The following PADI6 variants were observed in gnomAD, a reference collection of about 807,000 sequenced individuals.
PADI6 encodes the protein peptidyl arginine deiminase 6, also known as inactive protein-arginine deiminase type-6.
Under a neutral mutation model 78.2 loss-of-function variants are expected in PADI6, and 66 were observed. The observed-to-expected ratio is 0.84, with a 90% confidence interval of 0.69 to 1.04. The LOEUF is 1.04. Ranked by LOEUF, PADI6 falls within the 50% of genes least tolerant of loss-of-function variation. The pLI is 0.00. For missense variants in PADI6, 854 were observed against 866.1 expected (o/e 0.99, Z 0.18); for synonymous variants, 397 against 346.9 (o/e 1.14, Z -1.60).
chr1:17,398,933 T>A, intron 15 of PADI6, 86 bp downstream of exon 15: 1 of 1,410,848 alleles, frequency 7.1e-7, no homozygotes, highest in African/African-American at 1.4e-5. Context: ...ACTGCAGATA[T>A]GGTGGACAGC....
Position 17,372,442 on chromosome 1 carries a change from T to C in PADI6, c.116+81T>C, listed in dbSNP as rs1377823964. ...GACCCAGTCCCCTTGATCTGGGAGT[T>C]GGGGGTTACTTCTCTAGCCTCACTA... is the stretch of plus-strand genomic sequence containing the variant. On this transcript the variant is annotated intron_variant, in intron 1 of 15. Transcript: ENST00000619609. 6.9e-6 allele frequency: 9 copies of C among 1,305,884 alleles called. No individual in the cohort carries two copies. In the African/African-American group the frequency reaches 1.3e-4, roughly 19 times the overall value. 80.9% of individuals were successfully genotyped at this position (1,305,884 alleles called of 1,614,324 possible). A position where few individuals can be genotyped will look rare whatever the true frequency, so the allele number is the denominator to read the frequency against.
chr1:17,393,677 G>A (rs1450932859), intron 9 of PADI6, among the ~76,000 whole-genome samples: 1 of 152,088 alleles, frequency 6.6e-6, no homozygotes, highest in African/African-American at 2.4e-5. Context: ...GTCTCACCAT[G>A]TTTCCCAGGC....
At chr1:17,396,597 C>T (rs2075249710) in intron 13 of PADI6, among the ~76,000 whole-genome samples, 1 of 152,108 alleles carries the variant, frequency 6.6e-6, no homozygotes, top group Admixed American at 6.6e-5. Context: ...TGGAAGGTGA[C>T]ATCTGCTGAG....
At chr1:17,393,881 CAGGA>C in intron 9 of PADI6, 90 bp from the exon 10 acceptor site, 9 of 1,104,896 alleles carry the variant, frequency 8.1e-6, no homozygotes, top group Non-Finnish European at 1.2e-5. Context: ...CAGGAGTTGG[CAGGA>C]AGGAAGGGGG....
Position 17,373,114 on chromosome 1 carries a change from G to C in PADI6, c.175G>C (p.Asp59His), listed in dbSNP as rs761704813. The change falls in exon 2 of 16, where the codon GAT becomes CAT. Residue 59 changes from aspartate to histidine, a missense_variant. By Grantham distance (81) the Asp-to-His change is moderately conservative (BLOSUM62 -1). Coordinates refer to ENST00000619609, the MANE Select transcript of PADI6 (RefSeq NM_207421.4). The part of the protein sequence containing the change: ...TIHGSGRVLI[D>H]VANTVISEKE... ...CCATGGCTCTGGGAGGGTCTTGATC[G>C]ATGTGGCCAACACGGTGATTTCTGA... is the stretch of plus-strand genomic sequence containing the variant. The C allele has an allele frequency of 6.2e-7, 1 of 1,614,000 alleles. No individual in the cohort carries two copies. The highest frequency in any genetic ancestry group is 8.5e-7 in the Non-Finnish European group (1 of 1,179,872).
At chr1:17,393,050 G>A (rs11203377) in intron 9 of PADI6, among the ~76,000 whole-genome samples, 90,823 of 151,674 alleles carry the variant, frequency 0.6, 27,442 homozygotes, top group South Asian at 0.67. Flanking sequence ...GGTCACTGAG[G>A]CAGAAGAATC....
intron 12 of PADI6, 89 bp downstream of exon 12, chr1:17,395,196 C>CTT: frequency 2.4e-6 from 3 of 1,241,422 alleles, no homozygotes; most frequent in Admixed American, 2.9e-5. Context: ...CTGGCTTTTT[C>CTT]TTGTTTTTTT....
chr1:17,385,052 A>G (rs2075106781), intron 6 of PADI6, among the ~76,000 whole-genome samples: 1 of 152,138 alleles, frequency 6.6e-6, no homozygotes, highest in African/African-American at 2.4e-5. Flanking sequence ...AGAGGAATAG[A>G]AAGCCAGAAG....
chr1:17,400,315 A>G (rs2075288433), intron 15 of PADI6, among the ~76,000 whole-genome samples: 1 of 151,992 alleles, frequency 6.6e-6, no homozygotes, highest in Admixed American at 6.6e-5. Context: ...GGACTGCGAG[A>G]CCAGCCTTAC....
rs1334575325 is a variant in PADI6, at chr1:17,401,579, C to T, written c.*141C>T. 2 of 757,752 alleles carry T rather than the reference C, an allele frequency of 2.6e-6. No individual in the cohort carries two copies. The highest frequency in any genetic ancestry group is 4.2e-6 in the Non-Finnish European group (2 of 477,062). The allele number at this position is 757,752 out of a possible 1,614,324, so 46.9% of individuals were successfully genotyped here. ...TTCTTCCCTGTCTGCCCCGACCGAC[C>T]CTCGGACCCAGTAGGATGGCAAATG... On this transcript the variant is annotated 3_prime_UTR_variant, in exon 16 of 16. Coordinates refer to ENST00000619609, the MANE Select transcript of PADI6 (RefSeq NM_207421.4).
intron 9 of PADI6, among the ~76,000 whole-genome samples, chr1:17,393,132 C>T (rs995972938): frequency 4.6e-5 from 7 of 151,670 alleles, no homozygotes; most frequent in African/African-American, 1.2e-4. Flanking sequence ...GATGACAGAG[C>T]GAGACTGTCT....
Position 17,388,783 on chromosome 1 carries a change from C to G in PADI6, c.865C>G (p.Pro289Ala). Residue 289 changes from proline to alanine, a missense_variant, in exon 8 of 16, where the codon CCA becomes GCA. Coordinates refer to ENST00000619609, the MANE Select transcript of PADI6 (RefSeq NM_207421.4). ...LVEESQDPSI[P>A]ETVLYKDTVV... ...GGACCTTGTCTTGTTGCAGTCAATT[C>G]CAGAGACTGTGCTGTACAAAGACAC... 6.2e-7 allele frequency: 1 copy of G among 1,613,180 alleles called. No individual in the cohort carries two copies.
chr1:17,397,132 A>AT lies in PADI6; in HGVS notation c.1681dup (p.Tyr561LeufsTer11). Reference sequence around the variant, plus strand: ...ATGAAAGCCTGAAGAAGCAGAATGAATACGTGGAGGTAGGACCAGTGTGAA... The same window carrying AT: ...ATGAAAGCCTGAAGAAGCAGAATGAATTACGTGGAGGTAGGACCAGTGTGAA... On this transcript the variant is annotated frameshift_variant, in exon 14 of 16. Coordinates refer to ENST00000619609, the MANE Select transcript of PADI6 (RefSeq NM_207421.4). LOFTEE classifies it high-confidence loss of function. 1 of 1,613,838 alleles carries AT rather than the reference A, an allele frequency of 6.2e-7. No homozygotes were observed. The highest frequency in any genetic ancestry group is 8.5e-7 in the Non-Finnish European group (1 of 1,179,800).
rs143615762 is a variant in PADI6 at position 17,391,721 on chromosome 1, C to T, written c.963-393C>T. On this transcript the variant is annotated intron_variant, in intron 8 of 15. Transcript: ENST00000619609. ...TCCCAGCTACTGTGGGGGGCCGAGG[C>T]AGGAGACTCACTTGAACCCAGGAGG... is the stretch of plus-strand genomic sequence containing the variant. Among the ~76,000 whole-genome samples, 12 of 152,318 alleles carry T rather than the reference C, an allele frequency of 7.9e-5. No homozygotes were observed. The East Asian group carries it at 2.3e-3, about 29-fold the overall frequency.
At chr1:17,383,721 C>T (rs2075094182) in intron 6 of PADI6, among the ~76,000 whole-genome samples, 1 of 151,298 alleles carries the variant, frequency 6.6e-6, no homozygotes, top group Non-Finnish European at 1.5e-5. Context: ...CGGGCATGCC[C>T]GCCAGCTACT....
Position 17,394,015 on chromosome 1 carries a change from C to T in PADI6, c.1115C>T (p.Thr372Ile), listed in dbSNP as rs1275574140. 3 of 1,613,970 alleles carry T rather than the reference C, an allele frequency of 1.9e-6. No homozygotes were observed. In the East Asian group the frequency reaches 6.7e-5, roughly 36 times the overall value. ...TGCTACACCCAGGCTCCCCACAAGA[C>T]AACGTCCTTGATCCTCGACACACCT... ...AFCYTQAPHKTTSLILDTPQA... is the reference protein window; with the variant it reads ...AFCYTQAPHKITSLILDTPQA... The change falls in exon 10 of 16, where the codon ACA becomes ATA. Residue 372 changes from threonine to isoleucine, a missense_variant. Thr to Ile is a moderately conservative substitution (Grantham distance 89). Transcript: ENST00000619609.
Position 17,394,309 on chromosome 1 carries a change from A to G in PADI6, c.1192A>G (p.Ile398Val), listed in dbSNP as rs202067511. Residue 398 changes from isoleucine to valine, a missense_variant, in exon 11 of 16, where the codon ATT becomes GTT. Transcript: ENST00000619609. Reference sequence around the variant, plus strand: ...TCGGTCTCTCCCCCAGAGCCCTGGTATTGGCTACATGATCCAGGACACTGA... The same window carrying G: ...TCGGTCTCTCCCCCAGAGCCCTGGTGTTGGCTACATGATCCAGGACACTGA... Reference protein sequence around the residue: ...FPMKYSLSPGIGYMIQDTEDH... With the variant: ...FPMKYSLSPGVGYMIQDTEDH... 8.7e-6 allele frequency: 14 copies of G among 1,613,312 alleles called. No individual in the cohort carries two copies. In the East Asian group the frequency reaches 2.5e-4, roughly 28 times the overall value.
At chr1:17,398,182 C>T (rs563824766) in intron 14 of PADI6, among the ~76,000 whole-genome samples, 100 of 152,298 alleles carry the variant, frequency 6.6e-4, no homozygotes, top group African/African-American at 2.1e-3. Flanking sequence ...TGTTCTATGC[C>T]CCGCACAGTG....
At chr1:17,381,222 C>G (rs1197604668) in intron 5 of PADI6, 58 bp downstream of exon 5, 1 of 1,413,026 alleles carries the variant, frequency 7.1e-7, no homozygotes, top group Non-Finnish European at 9.7e-7. Context: ...CCCTGCTTCT[C>G]AGCAAATGGA....
Sources: gnomAD v4.1 joint callset for allele counts (sites outside exome capture counted in the v4.1 genomes callset) on GRCh38, gnomAD v4.1.1 for gene constraint, MANE v1.5 for transcripts, NCBI Gene and HGNC (gene_info 2026-07-23, HGNC 2026-07-21) for gene names.